Variants in LIX1 observed in about 807,000 individuals in gnomAD.
The protein encoded by LIX1 is protein limb expression 1 homolog.
Under a neutral mutation model 33.4 loss-of-function variants are expected in LIX1, and 24 were observed. The observed-to-expected ratio is 0.72, with a 90% CI of 0.52 to 1.01. The LOEUF is 1.01. Among genes scored for constraint, LIX1 ranks in the 50% least tolerant of loss-of-function variants. The pLI is 0.00. For missense variants in LIX1, 311 were observed against 339.2 expected (o/e 0.92, Z 0.65); for synonymous variants, 124 against 124.0 (o/e 1.00, Z 0.00).
intron 1 of LIX1, among the ~76,000 whole-genome samples, chr5:97,127,656 G>A (rs1747962867): frequency 6.6e-6 from 1 of 152,194 alleles, no homozygotes. Flanking sequence ...AACAAGGTTT[G>A]TGGACAATTT....
At chr5:97,134,227 C>T (rs1016284257) in intron 1 of LIX1, among the ~76,000 whole-genome samples, 6 of 152,232 alleles carry the variant, frequency 3.9e-5, no homozygotes, top group African/African-American at 1.4e-4. Context: ...TGAAGCGATT[C>T]TCCTGCCTCA....
rs1037132226 is a variant in LIX1 at position 97,094,326 on chromosome 5, T to A, written c.*422A>T. On this transcript the variant is annotated 3_prime_UTR_variant, in exon 6 of 6. Transcript: ENST00000274382. ...TTTAAAACAATCCATATTATTTATT[T>A]AATCCTAAGTATTTTTAAACACTGC... 10 of 163,824 alleles carry A rather than the reference T, an allele frequency of 6.1e-5. No homozygotes were observed. Among genetic ancestry groups the A allele is most frequent in the African/African-American group, 2.4e-4 (10 of 41,570 alleles). The allele number at this position is 163,824 out of a possible 1,614,324, so 10.1% of individuals were successfully genotyped here.
Position 97,095,002 on chromosome 5 carries a change from C to T in LIX1, c.595G>A (p.Asp199Asn), listed in dbSNP as rs1271771467. Residue 199 changes from aspartate to asparagine, a missense_variant, in exon 6 of 6, where the codon GAT becomes AAT. Asp to Asn is a conservative substitution (Grantham distance 23). Coordinates refer to ENST00000274382, the MANE Select transcript of LIX1 (RefSeq NM_153234.5). ...GCCATGTGGCTGCGCATCTTTTCATCTAGAGAATACTGAGAATAGTAGGAG... is the reference window on the plus strand; with the variant it reads ...GCCATGTGGCTGCGCATCTTTTCATTTAGAGAATACTGAGAATAGTAGGAG... Reference protein sequence around the residue: ...VISYYSQYSLDEKMRSHMALD... With the variant: ...VISYYSQYSLNEKMRSHMALD... The T allele has an allele frequency of 5.6e-6, 9 of 1,613,988 alleles. No homozygotes were observed. The highest frequency in any genetic ancestry group is 7.6e-6 in the Non-Finnish European group (9 of 1,180,034).
In LIX1 at chr5:97,102,506, C is replaced by T. The variant is rs796989898; in HGVS notation, c.483+2684G>A. On this transcript the variant is annotated intron_variant, in intron 4 of 5. Coordinates refer to ENST00000274382, the MANE Select transcript of LIX1 (RefSeq NM_153234.5). Reference sequence around the variant, plus strand: ...ACTAGGGAAGGGAGTTTGGATTTTCCCTGCCCTCACATCTTCCTCTTCCTT... The same window carrying T: ...ACTAGGGAAGGGAGTTTGGATTTTCTCTGCCCTCACATCTTCCTCTTCCTT... Among the ~76,000 whole-genome samples, 4 of 152,148 alleles carry T rather than the reference C, an allele frequency of 2.6e-5. No individual in the cohort carries two copies. In the South Asian group the frequency reaches 8.3e-4, roughly 32 times the overall value.
In LIX1 at chr5:97,138,879, T is replaced by C. The variant is rs527800129; in HGVS notation, c.82+3616A>G. Reference sequence around the variant, plus strand: ...ACATGAGACTCCAAGGAAATGTTCATTGAAGCATTTCAGATTTCAGATTTT... The same window carrying C: ...ACATGAGACTCCAAGGAAATGTTCACTGAAGCATTTCAGATTTCAGATTTT... On this transcript the variant is annotated intron_variant, in intron 1 of 5. Transcript: ENST00000274382. Among the ~76,000 whole-genome samples the C allele has an allele frequency of 7.5e-4, 115 of 152,318 alleles. 1 individual carries two copies. The highest frequency in any genetic ancestry group is 2.0e-3 in the African/African-American group (83 of 41,576).
At chr5:97,109,599 T>G (rs1747262275) in intron 2 of LIX1, among the ~76,000 whole-genome samples, 1 of 152,154 alleles carries the variant, frequency 6.6e-6, no homozygotes, top group Admixed American at 6.5e-5. Context: ...CAATAGTTTT[T>G]GGGATACAGG....
intron 1 of LIX1, among the ~76,000 whole-genome samples, chr5:97,130,889 A>T (rs1427250949): frequency 6.6e-6 from 1 of 152,206 alleles, no homozygotes; most frequent in African/African-American, 2.4e-5. Context: ...ATAGGCCCCT[A>T]CAGGAGTTTT....
intron 2 of LIX1, among the ~76,000 whole-genome samples, chr5:97,108,233 T>C (rs1747170445): frequency 1.3e-5 from 2 of 152,234 alleles, no homozygotes; most frequent in African/African-American, 4.8e-5. Flanking sequence ...AACAGTTCCC[T>C]GATTTTCTTG....
intron 2 of LIX1, among the ~76,000 whole-genome samples, chr5:97,114,004 C>G (rs1352409616): frequency 2.0e-5 from 3 of 152,104 alleles, no homozygotes; most frequent in African/African-American, 7.2e-5. Flanking sequence ...CTTTCCTGGA[C>G]TATAGGGAGA....
intron 2 of LIX1, among the ~76,000 whole-genome samples, chr5:97,119,717 T>C (rs2112783674): frequency 6.6e-6 from 1 of 152,250 alleles, no homozygotes; most frequent in East Asian, 1.9e-4. Flanking sequence ...AGTTTTCAGT[T>C]TTTCATTTTG....
chr5:97,106,274 G>T (rs573633789), intron 3 of LIX1, among the ~76,000 whole-genome samples: 2 of 152,272 alleles, frequency 1.3e-5, no homozygotes, highest in Non-Finnish European at 2.9e-5. Flanking sequence ...TACAGGGCTG[G>T]AAAATAAAGG....
At chr5:97,141,983 TTAACTAAAGCATTA>T (rs1748301313) in intron 1 of LIX1, among the ~76,000 whole-genome samples, 1 of 152,238 alleles carries the variant, frequency 6.6e-6, no homozygotes, top group African/African-American at 2.4e-5. Flanking sequence ...TATTGGCCTT[TTAACTAAAGCATTA>T]TAATCTGTTA....
At chr5:97,133,418 T>C (rs900462923) in intron 1 of LIX1, among the ~76,000 whole-genome samples, 1 of 152,222 alleles carries the variant, frequency 6.6e-6, no homozygotes, top group South Asian at 2.1e-4. Flanking sequence ...TTGTAAGTAC[T>C]AGAGTGTTAG....
intron 2 of LIX1, among the ~76,000 whole-genome samples, chr5:97,121,213 C>T (rs1322346187): frequency 6.6e-6 from 1 of 152,200 alleles, no homozygotes; most frequent in Non-Finnish European, 1.5e-5. Flanking sequence ...GTCCCTTGAT[C>T]TACCTTTAAG....
At chr5:97,132,723 CTCCA>C (rs1748083125) in intron 1 of LIX1, among the ~76,000 whole-genome samples, 1 of 152,138 alleles carries the variant, frequency 6.6e-6, no homozygotes, top group Non-Finnish European at 1.5e-5. Context: ...CCTGTGGTGG[CTCCA>C]TCCATGAAGA....
At chr5:97,105,792 C>T (rs1437578640) in intron 3 of LIX1, among the ~76,000 whole-genome samples, 1 of 152,168 alleles carries the variant, frequency 6.6e-6, no homozygotes, top group Non-Finnish European at 1.5e-5. Flanking sequence ...TTTTTCAGTC[C>T]TGTACCACTG....
chr5:97,112,584 G>A (rs971642005), intron 2 of LIX1, among the ~76,000 whole-genome samples: 1 of 152,042 alleles, frequency 6.6e-6, no homozygotes, highest in Admixed American at 6.6e-5. Context: ...TCTGTCCTTT[G>A]CACTTTGCGA....
chr5:97,118,131 T>C (rs1239196313), intron 2 of LIX1, among the ~76,000 whole-genome samples: 25 of 152,206 alleles, frequency 1.6e-4, no homozygotes, highest in Admixed American at 1.6e-3. Context: ...ACATTCCAAA[T>C]AGATCGAGCT....
At chr5:97,142,363 A>G (rs1186708861) in intron 1 of LIX1, 132 bp downstream of exon 1, 2 of 632,062 alleles carry the variant, frequency 3.2e-6, no homozygotes, top group African/African-American at 3.7e-5. Context: ...GTCAGGAACA[A>G]GTTAAAATAT....
Sources: allele counts gnomAD v4.1 joint callset (sites outside exome capture counted in the v4.1 genomes callset), GRCh38; gene constraint gnomAD v4.1.1; transcripts MANE v1.5; gene names NCBI Gene and HGNC (gene_info 2026-07-23, HGNC 2026-07-21).